Variants in CTXND1 observed in about 807,000 individuals in gnomAD.
The protein encoded by CTXND1 is cortexin domain-containing 1 protein.
chr15:80,205,131 A>C (rs1025147733), intron 1 of CTXND1, among the ~76,000 whole-genome samples: 4 of 152,214 alleles, frequency 2.6e-5, no homozygotes, highest in Non-Finnish European at 4.4e-5. Flanking sequence ...ACATCTTTTA[A>C]AATTTAACAT....
At chr15:80,232,548 C>G (rs532992551) in intron 1 of CTXND1, among the ~76,000 whole-genome samples, 1 of 152,176 alleles carries the variant, frequency 6.6e-6, no homozygotes, top group Non-Finnish European at 1.5e-5. Flanking sequence ...CATGCATGAG[C>G]AGGAGAGTCG....
chr15:80,249,023 G>A (rs1241334509), intron 1 of CTXND1, among the ~76,000 whole-genome samples: 1 of 152,012 alleles, frequency 6.6e-6, no homozygotes, highest in Non-Finnish European at 1.5e-5. Flanking sequence ...TGCAATCACA[G>A]TTCACTGCAG....
chr15:80,240,036 G>A (rs1309252607), intron 1 of CTXND1, among the ~76,000 whole-genome samples: 1 of 152,166 alleles, frequency 6.6e-6, no homozygotes, highest in Admixed American at 6.5e-5. Context: ...CACGATCTCA[G>A]CCCACCGCAA....
chr15:80,197,418 A>G lies in CTXND1; in HGVS notation c.*4352T>C, dbSNP rs2041425908. On this transcript the variant is annotated 3_prime_UTR_variant, in exon 3 of 3. Coordinates refer to ENST00000560778, the MANE Select transcript of CTXND1 (RefSeq NM_001352888.2). ...CTGTTGTTTTCCATACCCTTGCCCA[A>G]CCTCTGTAAATATTCTTTCATTAAA... 6.6e-6 allele frequency: 1 copy of G among 151,966 alleles called. No individual in the cohort carries two copies. The highest frequency in any genetic ancestry group is 6.6e-5 in the Admixed American group (1 of 15,240). 9.4% of individuals were successfully genotyped at this position (151,966 alleles called of 1,614,324 possible).
intron 1 of CTXND1, among the ~76,000 whole-genome samples, chr15:80,204,638 T>C (rs559414220): frequency 1.1e-5 from 1 of 92,746 alleles, no homozygotes; most frequent in African/African-American, 4.7e-5. Context: ...GTCCGAATAA[T>C]ATTCCATTGT....
At chr15:80,220,184 T>C (rs575489498) in intron 1 of CTXND1, among the ~76,000 whole-genome samples, 11 of 152,208 alleles carry the variant, frequency 7.2e-5, no homozygotes, top group Admixed American at 3.9e-4. Context: ...TATCTATCTA[T>C]CTATATTAGA....
At chr15:80,247,138 A>G (rs978316552) in intron 1 of CTXND1, among the ~76,000 whole-genome samples, 2 of 152,186 alleles carry the variant, frequency 1.3e-5, no homozygotes, top group African/African-American at 4.8e-5. Context: ...AAGACAGGTC[A>G]GGTGAATTTG....
At chr15:80,221,369 C>T (rs371923543) in intron 1 of CTXND1, among the ~76,000 whole-genome samples, 2 of 152,170 alleles carry the variant, frequency 1.3e-5, no homozygotes, top group Non-Finnish European at 2.9e-5. Context: ...TGATAAAGGG[C>T]ATCCTTGTCT....
At chr15:80,230,877 T>C (rs1236106881) in intron 1 of CTXND1, among the ~76,000 whole-genome samples, 1 of 151,924 alleles carries the variant, frequency 6.6e-6, no homozygotes, top group East Asian at 1.9e-4. Context: ...GGCCAACATG[T>C]TGAAACCCCA....
At chr15:80,235,272 A>G (rs1893482017) in intron 1 of CTXND1, among the ~76,000 whole-genome samples, 1 of 152,156 alleles carries the variant, frequency 6.6e-6, no homozygotes, top group Non-Finnish European at 1.5e-5. Context: ...AGATAGCCTG[A>G]GCCCCAGAAG....
intron 1 of CTXND1, among the ~76,000 whole-genome samples, chr15:80,245,624 C>A (rs1267022931): frequency 6.6e-6 from 1 of 152,168 alleles, no homozygotes; most frequent in South Asian, 2.1e-4. Flanking sequence ...CAGAGGCCCA[C>A]CCAGTTTCAA....
At chr15:80,205,800 T>C (rs1311121409) in intron 1 of CTXND1, among the ~76,000 whole-genome samples, 1 of 152,212 alleles carries the variant, frequency 6.6e-6, no homozygotes, top group Non-Finnish European at 1.5e-5. Context: ...TCTCTCATTC[T>C]CCCAGTTGAC....
chr15:80,221,116 A>G (rs549078352), intron 1 of CTXND1, among the ~76,000 whole-genome samples: 26 of 152,032 alleles, frequency 1.7e-4, no homozygotes, highest in Non-Finnish European at 2.1e-4. Context: ...TCACCATGTT[A>G]GCCAGGATGG....
At chr15:80,214,221 A>G (rs967936061) in intron 1 of CTXND1, among the ~76,000 whole-genome samples, 4 of 152,190 alleles carry the variant, frequency 2.6e-5, no homozygotes, top group African/African-American at 9.6e-5. Flanking sequence ...ATATTATTTT[A>G]TTTTAATATT....
intron 1 of CTXND1, among the ~76,000 whole-genome samples, chr15:80,221,810 C>G (rs939525909): frequency 6.6e-5 from 10 of 152,142 alleles, no homozygotes; most frequent in African/African-American, 2.4e-4. Flanking sequence ...AACCATTGCT[C>G]TAACTGCTAT....
At chr15:80,231,758 A>G (rs1182896422) in intron 1 of CTXND1, among the ~76,000 whole-genome samples, 2 of 152,194 alleles carry the variant, frequency 1.3e-5, no homozygotes, top group African/African-American at 2.4e-5. Flanking sequence ...CCCAGCAATG[A>G]GAAAGAGAAA....
In CTXND1 at chr15:80,196,182, A is replaced by G. The variant is rs181106832; in HGVS notation, c.*5588T>C. On this transcript the variant is annotated 3_prime_UTR_variant, in exon 3 of 3. Coordinates refer to ENST00000560778, the MANE Select transcript of CTXND1 (RefSeq NM_001352888.2). ...TCTAACAAGCTCCCCAGAGATGCCA[A>G]TGCTGTCCATCCGTGGACCATAGTT... The G allele has an allele frequency of 3.3e-4, 50 of 152,350 alleles. 2 individuals carry two copies. The highest frequency in any genetic ancestry group is 2.9e-3 in the Admixed American group (45 of 15,306). The allele number at this position is 152,350 out of a possible 1,614,324, so 9.4% of individuals were successfully genotyped here.
At chr15:80,203,046 TGCACAGTCCCTG>T (rs1400789349) in intron 2 of CTXND1, among the ~76,000 whole-genome samples, 2 of 152,212 alleles carry the variant, frequency 1.3e-5, no homozygotes, top group Non-Finnish European at 2.9e-5. Context: ...GACGACCAAA[TGCACAGTCCCTG>T]GCTCCAGTGG....
intron 1 of CTXND1, among the ~76,000 whole-genome samples, chr15:80,221,001 C>T (rs749788174): frequency 1.7e-4 from 25 of 151,480 alleles, no homozygotes; most frequent in South Asian, 6.3e-4. Flanking sequence ...CTCCGCCTCC[C>T]GGGTTCACGC....
Sources: gnomAD v4.1 joint callset for allele counts (sites outside exome capture counted in the v4.1 genomes callset) on GRCh38, gnomAD v4.1.1 for gene constraint, MANE v1.5 for transcripts, NCBI Gene and HGNC (gene_info 2026-07-23, HGNC 2026-07-21) for gene names.